ARID5B: variants seen among roughly 807,000 people sequenced by gnomAD.
ARID5B encodes AT-rich interactive domain-containing protein 5B.
A neutral mutation model predicts 97.2 loss-of-function variants in ARID5B; 13 were observed. That is an observed-to-expected ratio of 0.13 (90% confidence interval 0.09 to 0.21). ARID5B has a LOEUF of 0.21. ARID5B is among the 10% of genes least tolerant of loss of function. The pLI, the probability that ARID5B is intolerant of heterozygous loss-of-function variation, is 1.00. For missense variants in ARID5B, 1,210 were observed against 1,465.3 expected, an observed-to-expected ratio of 0.83 and a Z score of 2.84; for synonymous variants, 556 against 570.3, an observed-to-expected ratio of 0.97 and a Z score of 0.36.
chr10:62,015,144 T>C (rs1839266867), intron 4 of ARID5B, among the ~76,000 whole-genome samples: 1 of 152,250 alleles, frequency 6.6e-6, no homozygotes, highest in African/African-American at 2.4e-5. Flanking sequence ...CTATAATTTG[T>C]GTTCCTAAGA....
At chr10:62,067,308 C>G (rs1840006648) in intron 7 of ARID5B, among the ~76,000 whole-genome samples, 2 of 152,174 alleles carry the variant, frequency 1.3e-5, no homozygotes, top group Admixed American at 6.5e-5. Context: ...GTCTTGAACT[C>G]CCAACCTCAG....
chr10:62,091,015 A>G lies in ARID5B; in HGVS notation c.1552A>G (p.Asn518Asp). ...LASRVDPEKD[N>D]ETDQGSNSEK... is the part of the protein sequence containing the mutation. ...ATCCAGAGTAGACCCAGAGAAGGAC[A>G]ACGAAACAGACCAAGGTTCCAACAG... The change falls in exon 10 of 10, where the codon AAC (asparagine) becomes GAC (aspartate). Residue 518 changes from asparagine (N) to aspartate (D), a missense_variant. Asn to Asp is a conservative substitution (Grantham distance 23). Around this residue, in one of 8 missense-constraint regions of ARID5B, gnomAD observed 800 missense variants for 839.1 expected, o/e 0.95. Coordinates refer to ENST00000279873, the MANE Select transcript of ARID5B (RefSeq NM_032199.3). The G allele has an allele frequency of 6.2e-7, 1 of 1,614,178 alleles. No homozygotes were observed. The highest frequency in any genetic ancestry group is 2.2e-5 in the East Asian group (1 of 44,886).
intron 8 of ARID5B, among the ~76,000 whole-genome samples, chr10:62,080,544 C>G (rs1022723811): frequency 6.6e-6 from 1 of 152,206 alleles, no homozygotes; most frequent in Non-Finnish European, 1.5e-5. Flanking sequence ...CTGTAACAAG[C>G]ATGTGTACCT....
chr10:61,917,590 G>T (rs1210379619), intron 2 of ARID5B, among the ~76,000 whole-genome samples: 1 of 152,112 alleles, frequency 6.6e-6, no homozygotes, highest in Admixed American at 6.6e-5. Context: ...ACTCTTTGTG[G>T]GCCAAACAAA....
rs2132993230 is a variant in ARID5B, at chr10:62,095,775, C to G, written c.*2745C>G. 1 of 231,682 alleles carries G rather than the reference C, an allele frequency of 4.3e-6. No homozygotes were observed. The highest frequency in any genetic ancestry group is 6.1e-5 in the East Asian group (1 of 16,296). 14.4% of individuals were successfully genotyped at this position (231,682 alleles called of 1,614,324 possible). ...AGGCTTTGTTTGCATTGTTTGAGTT[C>G]AAGGGGCCTTATTATTGAATGGAAT... On this transcript the variant is annotated 3_prime_UTR_variant, in exon 10 of 10. Transcript: ENST00000279873.
chr10:61,908,799 C>CA (rs369792859), intron 2 of ARID5B, among the ~76,000 whole-genome samples: 4,564 of 50,624 alleles, frequency 0.09, 367 homozygotes, highest in Middle Eastern at 0.18. Context: ...GACTCCATCT[C>CA]AAAAAAAAAA....
chr10:61,901,978 T>G (rs865951961), intron 1 of ARID5B, among the ~76,000 whole-genome samples, 181 bp from the exon 2 acceptor site: 1 of 150,554 alleles, frequency 6.6e-6, no homozygotes, highest in African/African-American at 2.4e-5. Context: ...CCTGAGTTTT[T>G]TTTTTTTTTT....
chr10:62,005,601 C>A (rs1839135841), intron 4 of ARID5B, among the ~76,000 whole-genome samples: 1 of 152,120 alleles, frequency 6.6e-6, no homozygotes, highest in Non-Finnish European at 1.5e-5. Context: ...CTGTACTGAA[C>A]TTTCCAGTCC....
In ARID5B at chr10:62,094,137, C is replaced by A. The variant is rs1213037581; in HGVS notation, c.*1107C>A. The stretch of plus-strand genomic sequence containing the variant: ...AGAGTCTAGAGGACATATTTGTGGG[C>A]TGCACAGATATTTTAGGAATTTCAG... On this transcript the variant is annotated 3_prime_UTR_variant, in exon 10 of 10. Transcript: ENST00000279873. 3 of 233,134 alleles carry A rather than the reference C, an allele frequency of 1.3e-5. No homozygotes were observed. Among genetic ancestry groups the A allele is most frequent in the African/African-American group, 4.4e-5 (2 of 45,318 alleles). 14.4% of individuals were successfully genotyped at this position (233,134 alleles called of 1,614,324 possible). A position where few individuals can be genotyped will look rare whatever the true frequency, so the allele number is the denominator to read the frequency against.
intron 3 of ARID5B, among the ~76,000 whole-genome samples, chr10:61,983,058 G>A (rs759206770): frequency 2.6e-5 from 4 of 152,150 alleles, no homozygotes; most frequent in Non-Finnish European, 5.9e-5. Context: ...CTCCTTCAGA[G>A]GCTGCTTGTG....
chr10:61,901,789 C>A (rs1336556528), intron 1 of ARID5B, 59 bp downstream of exon 1: 2 of 1,507,450 alleles, frequency 1.3e-6, no homozygotes, highest in Non-Finnish European at 1.8e-6. Context: ...CCCAACCCCC[C>A]AGCTCACCCA....
At chr10:62,044,113 G>C (rs1455072146) in intron 4 of ARID5B, among the ~76,000 whole-genome samples, 1 of 151,690 alleles carries the variant, frequency 6.6e-6, no homozygotes, top group Non-Finnish European at 1.5e-5. Context: ...CTTGGATTCT[G>C]TGAGAGCAGA....
intron 3 of ARID5B, among the ~76,000 whole-genome samples, chr10:61,942,290 A>G (rs939563661): frequency 1.3e-5 from 2 of 152,050 alleles, no homozygotes; most frequent in Non-Finnish European, 2.9e-5. Flanking sequence ...ACCTTTTTGC[A>G]GTTGATTCCA....
intron 3 of ARID5B, among the ~76,000 whole-genome samples, chr10:61,975,894 G>A (rs1265151560): frequency 2.0e-5 from 3 of 152,138 alleles, no homozygotes; most frequent in East Asian, 3.8e-4. Context: ...TCCAATTATA[G>A]CTATTTCTTT....
intron 4 of ARID5B, among the ~76,000 whole-genome samples, chr10:62,007,372 C>A (rs977268620): frequency 6.6e-6 from 1 of 152,020 alleles, no homozygotes; most frequent in African/African-American, 2.4e-5. Context: ...ATTCATTTAA[C>A]CAGGGTTTAT....
intron 7 of ARID5B, among the ~76,000 whole-genome samples, chr10:62,067,826 C>G (rs1840013762): frequency 6.6e-6 from 1 of 152,208 alleles, no homozygotes; most frequent in South Asian, 2.1e-4. Context: ...GCCTCACAGG[C>G]TATGGGAGGA....
chr10:62,067,162 C>T (rs1172386204), intron 7 of ARID5B, among the ~76,000 whole-genome samples: 3 of 151,970 alleles, frequency 2.0e-5, no homozygotes, highest in Non-Finnish European at 4.4e-5. Context: ...CTCAGCTCAC[C>T]GCAACCTCTG....
At chr10:62,031,392 C>T (rs1201512466) in intron 4 of ARID5B, among the ~76,000 whole-genome samples, 1 of 152,210 alleles carries the variant, frequency 6.6e-6, no homozygotes, top group African/African-American at 2.4e-5. Flanking sequence ...GACTGCTTTC[C>T]AGCTAATCCC....
chr10:62,015,886 G>A (rs13377026), intron 4 of ARID5B, among the ~76,000 whole-genome samples: 9,530 of 152,262 alleles, frequency 0.063, 568 homozygotes, highest in African/African-American at 0.16. Context: ...GCCTCCCAAA[G>A]TGCTGGGATT....
Sources: gnomAD v4.1 joint callset for allele counts (sites outside exome capture counted in the v4.1 genomes callset) on GRCh38, gnomAD v4.1.1 for gene constraint, gnomAD v4.1.1 regional missense constraint, MANE v1.5 for transcripts, NCBI Gene and HGNC (gene_info 2026-07-23, HGNC 2026-07-21) for gene names.